Variants in HIGD2B observed in about 807,000 individuals in gnomAD.
The protein encoded by HIGD2B is HIG1 domain family member 2B.
For synonymous variants in HIGD2B, 45 were observed against 28.1 expected (o/e 1.60, Z -1.90); for missense variants, 106 against 67.0 (o/e 1.58, Z -2.03).
intron 1 of HIGD2B, 29 bp downstream of exon 1, chr15:72,685,789 T>A (rs1475037148): frequency 6.8e-6 from 2 of 293,892 alleles, no homozygotes; most frequent in African/African-American, 4.3e-5. Flanking sequence ...AGTTCGATAG[T>A]GACAGCCAAG....
At chr15:72,679,949 G>C (rs2064731302) in intron 2 of HIGD2B, 66 bp downstream of exon 2, 1 of 219,198 alleles carries the variant, frequency 4.6e-6, no homozygotes. Flanking sequence ...GGTGGAAGGA[G>C]CTGTTGCCAG....
At chr15:72,678,604 A>G (rs1230768541) in intron 2 of HIGD2B, among the ~76,000 whole-genome samples, 1 of 152,144 alleles carries the variant, frequency 6.6e-6, no homozygotes, top group Non-Finnish European at 1.5e-5. Context: ...GCCTAGCCCT[A>G]GTTTCTATAA....
rs2064824616 is a variant in HIGD2B at position 72,686,099 on chromosome 15, C to T, written c.-474G>A. Reference sequence around the variant, plus strand: ...CAGACCCTAATCCTCCCCCTGATTCCTTAGGTCACTCGGCGATTTACTTCC... The same window carrying T: ...CAGACCCTAATCCTCCCCCTGATTCTTTAGGTCACTCGGCGATTTACTTCC... On this transcript the variant is annotated 5_prime_UTR_variant, in exon 1 of 3. Coordinates refer to ENST00000311755, the MANE Select transcript of HIGD2B (RefSeq NM_001350932.3). The T allele has an allele frequency of 2.0e-6, 2 of 975,790 alleles. No individual in the cohort carries two copies. Among genetic ancestry groups the T allele is most frequent in the African/African-American group, 1.6e-5 (1 of 62,312 alleles). The allele number at this position is 975,790 out of a possible 1,614,324, so 60.4% of individuals were successfully genotyped here.
At position 72,675,943 on chromosome 15, in the gene HIGD2B, C is replaced by A. The variant is rs2064682965; in HGVS notation, c.*111G>T. 3.3e-6 allele frequency: 2 copies of A among 601,850 alleles called. No individual in the cohort carries two copies. Among genetic ancestry groups the A allele is most frequent in the Non-Finnish European group, 6.0e-6 (2 of 336,100 alleles). 37.3% of individuals were successfully genotyped at this position (601,850 alleles called of 1,614,324 possible). A position where few individuals can be genotyped will look rare whatever the true frequency, so the allele number is the denominator to read the frequency against. On this transcript the variant is annotated 3_prime_UTR_variant, in exon 3 of 3. Transcript: ENST00000311755. Reference sequence around the variant, plus strand: ...GTTACAGGAAGGGTCACTTCCTCCCCCAACGACACAGGGACCTCTCAAAGG... The same window carrying A: ...GTTACAGGAAGGGTCACTTCCTCCCACAACGACACAGGGACCTCTCAAAGG...
At position 72,676,195 on chromosome 15, in the gene HIGD2B, G is replaced by A. The variant is rs1364313792; in HGVS notation, c.180C>T (p.Leu60=). The A allele has an allele frequency of 1.3e-6, 1 of 763,686 alleles. No homozygotes were observed. Among genetic ancestry groups the A allele is most frequent in the South Asian group, 1.4e-5 (1 of 73,820 alleles). 47.3% of individuals were successfully genotyped at this position (763,686 alleles called of 1,614,324 possible). ...PIGFLCTAAV[L]TNGLYCFHQG... ...GGTGGAAGCAGTAGAGGCCGTTGGT[G>A]AGGACGGCCGCCGTGCACAGGAAAC... The change falls in exon 3 of 3, where the codon CTC becomes CTT. Residue 60 remains leucine, a synonymous_variant. Coordinates refer to ENST00000311755, the MANE Select transcript of HIGD2B (RefSeq NM_001350932.3).
In HIGD2B at chr15:72,686,182, T is replaced by G. The variant is rs753844067; in HGVS notation, c.-557A>C. On this transcript the variant is annotated 5_prime_UTR_variant, in exon 1 of 3. Coordinates refer to ENST00000311755, the MANE Select transcript of HIGD2B (RefSeq NM_001350932.3). ...TACGACTTCCGCTTGCCTCGTCGTC[T>G]GGGAAACCGCCGACTTCCGGCCGCG... The G allele has an allele frequency of 9.7e-5, 150 of 1,546,528 alleles. No homozygotes were observed. The highest frequency in any genetic ancestry group is 1.1e-4 in the Non-Finnish European group (129 of 1,145,568).
intron 1 of HIGD2B, among the ~76,000 whole-genome samples, chr15:72,685,085 A>C (rs1017647457): frequency 2.6e-5 from 4 of 152,236 alleles, no homozygotes; most frequent in African/African-American, 4.8e-5. Context: ...TGTTATAAAG[A>C]TTAAAAGAGA....
chr15:72,676,331 G>A lies in HIGD2B; in HGVS notation c.44C>T (p.Ser15Leu). 3 of 761,588 alleles carry A rather than the reference G, an allele frequency of 3.9e-6. No individual in the cohort carries two copies. The highest frequency in any genetic ancestry group is 1.4e-5 in the South Asian group (1 of 73,764). The allele number at this position is 761,588 out of a possible 1,614,324, so 47.2% of individuals were successfully genotyped here. Residue 15 changes from serine (S) to leucine (L), a missense_variant, in exon 3 of 3, where the codon TCA becomes TTA. Coordinates refer to ENST00000311755, the MANE Select transcript of HIGD2B (RefSeq NM_001350932.3). The stretch of plus-strand genomic sequence containing the variant: ...CCCCTCAAAGATGGGGGGCTTCGAT[G>A]ATTCAAAGGGGGCCTCCGGAGTCAC... ...GFVTPEAPFE[S>L]SKPPIFEGLS...
chr15:72,685,279 ATTTTATG>A (rs1189150265), intron 1 of HIGD2B, among the ~76,000 whole-genome samples: 1 of 152,184 alleles, frequency 6.6e-6, no homozygotes, highest in Non-Finnish European at 1.5e-5. Context: ...GGAGAGGCAG[ATTTTATG>A]TCTAAATTAC....
intron 1 of HIGD2B, among the ~76,000 whole-genome samples, chr15:72,682,048 C>A (rs185167292): frequency 1.3e-5 from 2 of 152,258 alleles, no homozygotes; most frequent in East Asian, 1.9e-4. Flanking sequence ...AGCTTTCTTT[C>A]CAGTTTTAAA....
intron 2 of HIGD2B, among the ~76,000 whole-genome samples, chr15:72,678,384 G>A (rs151167932): frequency 1.4e-4 from 21 of 152,052 alleles, no homozygotes; most frequent in Non-Finnish European, 2.2e-4. Flanking sequence ...TGGTCTTGAC[G>A]TCCTGGGCTC....
rs2064733908 is a variant in HIGD2B, at chr15:72,680,138, C to T, written c.-137G>A. Reference sequence around the variant, plus strand: ...AAAGTTTAGGTTTTCTGATCTTCTTCCCATTCTTACCCAGCTGGTGGAGTC... The same window carrying T: ...AAAGTTTAGGTTTTCTGATCTTCTTTCCATTCTTACCCAGCTGGTGGAGTC... On this transcript the variant is annotated 5_prime_UTR_variant, in exon 2 of 3. Transcript: ENST00000311755. 1 of 216,038 alleles carries T rather than the reference C, an allele frequency of 4.6e-6. No individual in the cohort carries two copies. Among genetic ancestry groups the T allele is most frequent in the Admixed American group, 4.7e-5 (1 of 21,320 alleles). The allele number at this position is 216,038 out of a possible 1,614,324, so 13.4% of individuals were successfully genotyped here.
chr15:72,686,041 C>T lies in HIGD2B; in HGVS notation c.-416G>A. 2.9e-6 allele frequency: 2 copies of T among 682,330 alleles called. No homozygotes were observed. Among genetic ancestry groups the T allele is most frequent in the Non-Finnish European group, 5.1e-6 (2 of 392,480 alleles). 42.3% of individuals were successfully genotyped at this position (682,330 alleles called of 1,614,324 possible). On this transcript the variant is annotated 5_prime_UTR_variant, in exon 1 of 3. Coordinates refer to ENST00000311755, the MANE Select transcript of HIGD2B (RefSeq NM_001350932.3). ...GCAGCGAGTGGCTGCGCATTCCCTCCCCGACTCTTTCAGAGGTAAGCCTTC... is the reference window on the plus strand; with the variant it reads ...GCAGCGAGTGGCTGCGCATTCCCTCTCCGACTCTTTCAGAGGTAAGCCTTC...
At chr15:72,682,205 GC>G (rs2064757272) in intron 1 of HIGD2B, 1 of 152,786 alleles carries the variant, frequency 6.5e-6, no homozygotes, top group Admixed American at 6.5e-5. Flanking sequence ...AATGCCAGAT[GC>G]CTTCCAAAAG....
chr15:72,686,053 A>C lies in HIGD2B; in HGVS notation c.-428T>G. ...TGCGCATTCCCTCCCCGACTCTTTCAGAGGTAAGCCTTCTGTGGAGCAGAC... is the reference window on the plus strand; with the variant it reads ...TGCGCATTCCCTCCCCGACTCTTTCCGAGGTAAGCCTTCTGTGGAGCAGAC... On this transcript the variant is annotated 5_prime_UTR_variant, in exon 1 of 3. Transcript: ENST00000311755. 1.4e-6 allele frequency: 1 copy of C among 715,066 alleles called. No homozygotes were observed. The highest frequency in any genetic ancestry group is 2.4e-6 in the Non-Finnish European group (1 of 417,458). The allele number at this position is 715,066 out of a possible 1,614,324, so 44.3% of individuals were successfully genotyped here.
rs933547475 is a variant in HIGD2B, at chr15:72,678,512, T to G, written c.-14+1503A>C. On this transcript the variant is annotated intron_variant, in intron 2 of 2. Coordinates refer to ENST00000311755, the MANE Select transcript of HIGD2B (RefSeq NM_001350932.3). ...AGATGGGGTCTGGATATATTGCCCATGCTGGTCTCAAACTCCTGGACACAA... is the reference window on the plus strand; with the variant it reads ...AGATGGGGTCTGGATATATTGCCCAGGCTGGTCTCAAACTCCTGGACACAA... Among the ~76,000 whole-genome samples, 5 of 151,938 alleles carry G rather than the reference T, an allele frequency of 3.3e-5. No homozygotes were observed. The East Asian group carries it at 9.8e-4, about 30-fold the overall frequency.
chr15:72,679,182 G>T (rs756406819), intron 2 of HIGD2B, among the ~76,000 whole-genome samples: 1 of 151,668 alleles, frequency 6.6e-6, no homozygotes, highest in Non-Finnish European at 1.5e-5. Flanking sequence ...TCGTTAACAT[G>T]GTGAAACCTC....
At chr15:72,681,698 C>A (rs1271378947) in intron 1 of HIGD2B, among the ~76,000 whole-genome samples, 1 of 151,448 alleles carries the variant, frequency 6.6e-6, no homozygotes, top group Non-Finnish European at 1.5e-5. Flanking sequence ...CCTCCACCTC[C>A]CGGGTTCAAG....
chr15:72,683,597 T>A (rs1390537765), intron 1 of HIGD2B, among the ~76,000 whole-genome samples: 1 of 152,096 alleles, frequency 6.6e-6, no homozygotes, highest in Non-Finnish European at 1.5e-5. Flanking sequence ...ATTCCACACT[T>A]TGGGAGGCCA....
Sources: gnomAD v4.1 joint callset for allele counts (sites outside exome capture counted in the v4.1 genomes callset) on GRCh38, gnomAD v4.1.1 for gene constraint, MANE v1.5 for transcripts, NCBI Gene and HGNC (gene_info 2026-07-23, HGNC 2026-07-21) for gene names.